DOCK4: variants seen among roughly 807,000 people sequenced by gnomAD.
The protein encoded by DOCK4 is dedicator of cytokinesis 4.
DOCK4 carries 97 observed loss-of-function variants against 268.1 expected under a neutral mutation model. That is an observed-to-expected ratio of 0.36 (90% CI 0.31 to 0.43). The LOEUF (loss-of-function observed/expected upper bound fraction) is 0.43, where lower values mean the gene tolerates loss of function less well. Ranked by LOEUF, DOCK4 falls within the 20% of genes least tolerant of loss-of-function variation. The probability of loss-of-function intolerance (pLI) is 1.00; values close to 1 mark genes in which losing one functional copy is unlikely to be tolerated. For synonymous variants in DOCK4, 954 were observed against 887.2 expected, an observed-to-expected ratio of 1.08 and a Z score of -1.34; for missense variants, 2,145 against 2,455.7, an observed-to-expected ratio of 0.87 and a Z score of 2.67.
rs1458982452 is a variant in DOCK4 at position 112,110,210 on chromosome 7, G to C, written c.37+95892C>G. Among the ~76,000 whole-genome samples, 3 of 152,068 alleles carry C rather than the reference G, an allele frequency of 2.0e-5. No individual in the cohort carries two copies. In the East Asian group the frequency reaches 5.8e-4, roughly 29 times the overall value. On this transcript the variant is annotated intron_variant, in intron 1 of 52. Coordinates refer to ENST00000428084, the MANE Select transcript of DOCK4 (RefSeq NM_001363540.2). ...CCTAACAGATAACTTCCCAATAAAGGTAAAAAATTTAAATACTAAAAAAAC... is the reference window on the plus strand; with the variant it reads ...CCTAACAGATAACTTCCCAATAAAGCTAAAAAATTTAAATACTAAAAAAAC...
rs114911350 is a variant in DOCK4 at position 111,949,366 on chromosome 7, A to T, written c.702-3568T>A. Among the ~76,000 whole-genome samples the T allele has an allele frequency of 5.8e-3, 884 of 152,320 alleles. 5 individuals are homozygous for T. Among genetic ancestry groups the T allele is most frequent in the Middle Eastern group, 0.021 (6 of 292 alleles). On this transcript the variant is annotated intron_variant, in intron 8 of 52. Transcript: ENST00000428084. ...CTGTACATTTCATCAAAATTCTGGA[A>T]AACAATGTTTCCTAAAGTATTCTAT...
At position 111,728,473 on chromosome 7, in the gene DOCK4, G is replaced by C. The variant is rs779891958; in HGVS notation, c.5729C>G (p.Pro1910Arg). ...EPVRKESKTP[P>R]PYSVYERTLR... ...AGTCCGCTCGTAGACGCTGTACGGG[G>C]GCGGAGTCTTGCTCTCCTTGCGCAC... Residue 1910 changes from proline to arginine, a missense_variant, in exon 53 of 53, where the codon CCC becomes CGC. By Grantham distance (103) the Pro-to-Arg change is moderately radical. This residue lies in a region of DOCK4 where 547 missense variants were observed against 469.0 expected (regional missense o/e 1.17). Transcript: ENST00000428084. 1 of 1,611,966 alleles carries C rather than the reference G, an allele frequency of 6.2e-7. No homozygotes were observed. Among genetic ancestry groups the C allele is most frequent in the Admixed American group, 1.7e-5 (1 of 59,900 alleles).
intron 1 of DOCK4, among the ~76,000 whole-genome samples, chr7:112,073,634 T>C (rs937629324): frequency 1.3e-5 from 2 of 152,164 alleles, no homozygotes; most frequent in Non-Finnish European, 2.9e-5. Context: ...GATATTATGT[T>C]AAGCAAAATA....
chr7:111,731,014 C>G (rs1795047246), intron 52 of DOCK4, among the ~76,000 whole-genome samples: 1 of 152,098 alleles, frequency 6.6e-6, no homozygotes, highest in African/African-American at 2.4e-5. Flanking sequence ...TGTGGGAGCT[C>G]TGTGTGAGTA....
chr7:112,018,754 T>C (rs1586653891), intron 1 of DOCK4, among the ~76,000 whole-genome samples: 1 of 149,838 alleles, frequency 6.7e-6, no homozygotes, highest in East Asian at 2.0e-4. Flanking sequence ...GGTTAAAATC[T>C]TTAGAAATAT....
At chr7:111,992,248 T>G (rs1222214502) in intron 5 of DOCK4, among the ~76,000 whole-genome samples, 1 of 152,174 alleles carries the variant, frequency 6.6e-6, no homozygotes, top group Non-Finnish European at 1.5e-5. Flanking sequence ...TATAAAATAT[T>G]ATGGCCCCCA....
At chr7:111,857,353 G>A (rs533195632) in intron 23 of DOCK4, among the ~76,000 whole-genome samples, 1 of 152,016 alleles carries the variant, frequency 6.6e-6, no homozygotes, top group South Asian at 2.1e-4. Flanking sequence ...TGGGGACTGG[G>A]GAGTTTCTGC....
At chr7:112,152,898 TGTAAGA>T (rs1451626562) in intron 1 of DOCK4, among the ~76,000 whole-genome samples, 2 of 152,186 alleles carry the variant, frequency 1.3e-5, no homozygotes, top group Non-Finnish European at 2.9e-5. Flanking sequence ...ACTAAGAGCC[TGTAAGA>T]GTAAATGTAT....
intron 1 of DOCK4, among the ~76,000 whole-genome samples, chr7:112,093,707 C>T (rs1809847915): frequency 6.6e-6 from 1 of 151,992 alleles, no homozygotes; most frequent in Admixed American, 6.6e-5. Context: ...CAAAAAAATC[C>T]AGCAATTTTG....
intron 1 of DOCK4, among the ~76,000 whole-genome samples, chr7:112,088,769 G>A (rs1395479580): frequency 2.6e-5 from 4 of 152,088 alleles, no homozygotes; most frequent in Non-Finnish European, 5.9e-5. Context: ...TCCTAGCTCT[G>A]CCACTTAGTT....
intron 12 of DOCK4, among the ~76,000 whole-genome samples, chr7:111,917,268 G>A (rs1220124463): frequency 6.6e-6 from 1 of 151,762 alleles, no homozygotes; most frequent in Admixed American, 6.6e-5. Flanking sequence ...TTATAGGTGT[G>A]AGCCACCGCG....
chr7:112,205,967 G>A (rs904664727), intron 1 of DOCK4, 135 bp downstream of exon 1: 1 of 1,008,634 alleles, frequency 9.9e-7, no homozygotes, highest in Admixed American at 2.1e-5. Flanking sequence ...GCTCGGCAAA[G>A]CCCCGTACCA....
chr7:111,861,779 T>TA (rs951945891), intron 23 of DOCK4, among the ~76,000 whole-genome samples: 4 of 147,240 alleles, frequency 2.7e-5, no homozygotes, highest in Non-Finnish European at 4.5e-5. Flanking sequence ...ATAATATTAA[T>TA]AAAAAAAACA....
At chr7:111,911,252 TCA>T (rs1400914176) in intron 13 of DOCK4, among the ~76,000 whole-genome samples, 3 of 152,304 alleles carry the variant, frequency 2.0e-5, no homozygotes, top group Non-Finnish European at 4.4e-5. Flanking sequence ...GAAATATTGT[TCA>T]CACACACTTT....
At position 111,836,833 on chromosome 7, in the gene DOCK4, A is replaced by T. The variant is rs559482844; in HGVS notation, c.2737-2147T>A. 2.6e-5 allele frequency among the ~76,000 whole-genome samples: 4 copies of T among 152,228 alleles called. No individual in the cohort carries two copies. The South Asian group carries it at 8.3e-4, about 32-fold the overall frequency. On this transcript the variant is annotated intron_variant, in intron 25 of 52. Transcript: ENST00000428084. ...GGGCAGTAGAAATTCTCCAAAATAA[A>T]GCATAGACAGAAAAAACTGAAATAA...
chr7:111,952,898 A>G (rs573902424), intron 8 of DOCK4, among the ~76,000 whole-genome samples: 24 of 152,328 alleles, frequency 1.6e-4, no homozygotes, highest in African/African-American at 5.8e-4. Context: ...AATCCCATGT[A>G]GCATATCTGA....
At chr7:111,741,826 T>G (rs1795936664) in intron 45 of DOCK4, among the ~76,000 whole-genome samples, 165 bp from the exon 46 acceptor site, 1 of 152,218 alleles carries the variant, frequency 6.6e-6, no homozygotes, top group Non-Finnish European at 1.5e-5. Context: ...TCACTTACAT[T>G]TGTGTTTTCC....
intron 44 of DOCK4, among the ~76,000 whole-genome samples, chr7:111,744,754 A>G (rs1284812536): frequency 6.6e-6 from 1 of 152,222 alleles, no homozygotes; most frequent in Admixed American, 6.5e-5. Context: ...TCTAGTATCT[A>G]CAAACACCCA....
chr7:112,134,845 T>G (rs1390578793), intron 1 of DOCK4, among the ~76,000 whole-genome samples: 2 of 152,188 alleles, frequency 1.3e-5, no homozygotes, highest in Non-Finnish European at 2.9e-5. Flanking sequence ...TCCTATTTAA[T>G]AAGAAAACGC....
Sources: gnomAD v4.1 joint callset for allele counts (sites outside exome capture counted in the v4.1 genomes callset) on GRCh38, gnomAD v4.1.1 for gene constraint, gnomAD v4.1.1 regional missense constraint, MANE v1.5 for transcripts, NCBI Gene and HGNC (gene_info 2026-07-23, HGNC 2026-07-21) for gene names.